Variants in JMJD1C observed in about 807,000 individuals in gnomAD.
JMJD1C encodes jumonji domain containing 1C, also known as jumonji domain-containing protein 1C.
JMJD1C carries 31 observed loss-of-function variants against 245.3 expected under a neutral mutation model. That is an observed-to-expected ratio of 0.13 (90% CI 0.09 to 0.17). The LOEUF (loss-of-function observed/expected upper bound fraction) is 0.17. JMJD1C is among the 10% of genes least tolerant of loss of function. The pLI, the probability that JMJD1C is intolerant of heterozygous loss-of-function variation, is 1.00. For synonymous variants in JMJD1C, 1,057 were observed against 1,017.4 expected (o/e 1.04, Z -0.74); for missense variants, 2,691 against 3,000.2 (o/e 0.90, Z 2.41).
At chr10:63,203,086 T>C (rs1564597697) in intron 10 of JMJD1C, 1 of 985,126 alleles carries the variant, frequency 1.0e-6, no homozygotes, top group Non-Finnish European at 1.2e-6. Flanking sequence ...GAGCTTTTTT[T>C]CAATAAAAGA....
chr10:63,248,529 G>GATAGATAAATAA (rs566828473), intron 3 of JMJD1C, among the ~76,000 whole-genome samples: 3,009 of 136,996 alleles, frequency 0.022, 77 homozygotes, highest in African/African-American at 0.057. Flanking sequence ...TCAATAGATA[G>GATAGATAAATAA]ATAAATAAAT....
intron 2 of JMJD1C, among the ~76,000 whole-genome samples, chr10:63,306,759 TTGAGA>T (rs1228846685): frequency 2.6e-5 from 4 of 152,190 alleles, no homozygotes; most frequent in Non-Finnish European, 5.9e-5. Flanking sequence ...CGATGTATTA[TTGAGA>T]TAACAGACGT....
chr10:63,398,563 G>A (rs1948650979), intron 1 of JMJD1C, among the ~76,000 whole-genome samples: 1 of 151,664 alleles, frequency 6.6e-6, no homozygotes, highest in African/African-American at 2.4e-5. Flanking sequence ...AATGATAATT[G>A]TCTAAATCTA....
chr10:63,373,256 A>C (rs1946452498), intron 2 of JMJD1C, among the ~76,000 whole-genome samples: 1 of 152,230 alleles, frequency 6.6e-6, no homozygotes, highest in Non-Finnish European at 1.5e-5. Flanking sequence ...AAAAAAAGAC[A>C]CCACTTCAGC....
At chr10:63,412,227 G>T (rs189987307) in intron 1 of JMJD1C, among the ~76,000 whole-genome samples, 81 of 152,134 alleles carry the variant, frequency 5.3e-4, no homozygotes, top group African/African-American at 1.9e-3. Context: ...TCTTAACAAT[G>T]ACATAAAGTC....
At chr10:63,377,468 C>A (rs369247534) in intron 2 of JMJD1C, among the ~76,000 whole-genome samples, 80 of 152,270 alleles carry the variant, frequency 5.3e-4, no homozygotes, top group African/African-American at 1.9e-3. Flanking sequence ...GGCATGGTGA[C>A]TCATGCCTGT....
chr10:63,217,420 T>C (rs891065393), intron 4 of JMJD1C, 89 bp from the exon 5 acceptor site: 2 of 986,070 alleles, frequency 2.0e-6, no homozygotes, highest in Non-Finnish European at 2.9e-6. Context: ...AGCTAGTGTA[T>C]AATAGTAATA....
At chr10:63,305,629 C>CGCGTGT (rs1554880823) in intron 2 of JMJD1C, among the ~76,000 whole-genome samples, 1 of 121,682 alleles carries the variant, frequency 8.2e-6, no homozygotes, top group Non-Finnish European at 1.7e-5. Context: ...ACCATGCTGG[C>CGCGTGT]GTGTGTGTGT....
chr10:63,190,824 C>A, intron 17 of JMJD1C, 70 bp downstream of exon 17: 3 of 1,262,876 alleles, frequency 2.4e-6, no homozygotes, highest in Non-Finnish European at 3.5e-6. Flanking sequence ...TAGTTCAGAG[C>A]CAAAAACTAA....
At chr10:63,313,354 T>C (rs2134061410) in intron 2 of JMJD1C, among the ~76,000 whole-genome samples, 1 of 152,342 alleles carries the variant, frequency 6.6e-6, no homozygotes, top group African/African-American at 2.4e-5. Context: ...TTGATGAGCA[T>C]TTGTGCCAGT....
chr10:63,517,849 G>A (rs1955071246), intron 1 of JMJD1C, among the ~76,000 whole-genome samples: 1 of 136,018 alleles, frequency 7.4e-6, no homozygotes. Context: ...CTGGAGTGCA[G>A]TGGTGCAATC....
chr10:63,412,984 T>C (rs967471245), intron 1 of JMJD1C, among the ~76,000 whole-genome samples: 1 of 152,164 alleles, frequency 6.6e-6, no homozygotes, highest in African/African-American at 2.4e-5. Flanking sequence ...AGGGATGATA[T>C]TGATTTAATT....
chr10:63,493,040 T>C (rs1589826142), intron 1 of JMJD1C, among the ~76,000 whole-genome samples: 1 of 152,174 alleles, frequency 6.6e-6, no homozygotes, highest in Non-Finnish European at 1.5e-5. Flanking sequence ...TTCAATTGCC[T>C]GAATTTCTTT....
At chr10:63,443,291 GTTTT>G (rs1951501714) in intron 1 of JMJD1C, among the ~76,000 whole-genome samples, 1 of 152,070 alleles carries the variant, frequency 6.6e-6, no homozygotes, top group African/African-American at 2.4e-5. Context: ...CATTTACAGG[GTTTT>G]GTTTTTTTTG....
intron 1 of JMJD1C, among the ~76,000 whole-genome samples, chr10:63,471,691 T>G (rs1011766168): frequency 6.6e-6 from 1 of 152,190 alleles, no homozygotes; most frequent in Non-Finnish European, 1.5e-5. Flanking sequence ...TAAACATCAT[T>G]GTAAAACTGC....
chr10:63,450,900 T>A (rs1952023030), intron 1 of JMJD1C, among the ~76,000 whole-genome samples: 1 of 138,148 alleles, frequency 7.2e-6, no homozygotes, highest in African/African-American at 2.6e-5. Context: ...TACAAAACCC[T>A]AACAATTTCA....
At chr10:63,210,858 A>G (rs2133186671) in intron 8 of JMJD1C, among the ~76,000 whole-genome samples, 1 of 152,356 alleles carries the variant, frequency 6.6e-6, no homozygotes, top group African/African-American at 2.4e-5. Flanking sequence ...TATGTAACAC[A>G]CAGGTTCCAG....
At chr10:63,461,664 G>A (rs1952808535) in intron 1 of JMJD1C, among the ~76,000 whole-genome samples, 1 of 152,142 alleles carries the variant, frequency 6.6e-6, no homozygotes, top group Non-Finnish European at 1.5e-5. Flanking sequence ...TTATGGGTTT[G>A]GCCTTTAATA....
intron 1 of JMJD1C, chr10:63,427,284 T>TGGC: frequency 1.2e-5 from 6 of 502,096 alleles, no homozygotes; most frequent in Non-Finnish European, 1.5e-5. Context: ...TGGAGCCCAC[T>TGGC]CCAGCCGGGA....
Sources: gnomAD v4.1 joint callset for allele counts (sites outside exome capture counted in the v4.1 genomes callset) on GRCh38, gnomAD v4.1.1 for gene constraint, MANE v1.5 for transcripts, NCBI Gene and HGNC (gene_info 2026-07-23, HGNC 2026-07-21) for gene names.